Variants in POPDC3 observed in about 807,000 individuals in gnomAD.
POPDC3 encodes the protein popeye domain cAMP effector 3.
Under a neutral mutation model 28.2 loss-of-function variants are expected in POPDC3, and 20 were observed. The observed-to-expected ratio is 0.71, with a 90% CI of 0.50 to 1.03. POPDC3 has a LOEUF of 1.03. Ranked by LOEUF, POPDC3 falls within the 50% of genes least tolerant of loss-of-function variation. The probability of loss-of-function intolerance (pLI) is 0.00; values close to 1 mark genes in which losing one functional copy is unlikely to be tolerated. For synonymous variants in POPDC3, 118 were observed against 124.1 expected (o/e 0.95, Z 0.33); for missense variants, 316 against 345.9 (o/e 0.91, Z 0.69).
At chr6:105,171,116 G>C (rs1774568197) in intron 1 of POPDC3, among the ~76,000 whole-genome samples, 2 of 152,178 alleles carry the variant, frequency 1.3e-5, no homozygotes, top group Non-Finnish European at 2.9e-5. Context: ...TGTTTGAGAG[G>C]TATGTGTTTG....
chr6:105,166,973 G>C (rs1017291760), intron 1 of POPDC3, among the ~76,000 whole-genome samples: 9 of 151,528 alleles, frequency 5.9e-5, no homozygotes, highest in Non-Finnish European at 7.4e-5. Context: ...ATTTTCCTCT[G>C]TCTAGCACAA....
At chr6:105,160,864 G>A (rs1357198268) in intron 2 of POPDC3, among the ~76,000 whole-genome samples, 5 of 151,950 alleles carry the variant, frequency 3.3e-5, no homozygotes, top group Non-Finnish European at 7.4e-5. Flanking sequence ...GCCTCCAAAA[G>A]TGCTGGGATT....
chr6:105,169,202 T>C (rs566417176), intron 1 of POPDC3: 123 of 152,354 alleles, frequency 8.1e-4, no homozygotes, highest in African/African-American at 2.8e-3. Context: ...CTATATTTTA[T>C]AATAGAATTA....
chr6:105,158,719 A>G lies in POPDC3; in HGVS notation c.627T>C (p.Tyr209=). The G allele has an allele frequency of 1.2e-6, 2 of 1,613,492 alleles. No homozygotes were observed. The highest frequency in any genetic ancestry group is 1.3e-5 in the African/African-American group (1 of 75,036). The change falls in exon 4 of 4, where the codon TAT becomes TAC. Residue 209 remains tyrosine (Y), a synonymous_variant. Coordinates refer to ENST00000254765, the MANE Select transcript of POPDC3 (RefSeq NM_022361.5). ...ATAATTTCTTTCTCCTCCAAGACAC[A>G]TATCGACAATCAGTTTCTGCAGTGA... is the stretch of plus-strand genomic sequence containing the variant. ...VTLTAETDCR[Y]VSWRRKKLYL...
rs541277995 is a variant in POPDC3, at chr6:105,158,608, C to T, written c.738G>A (p.Leu246=). ...TTTTTCCTATATATACCCTGTCATTCAAGGCATAGAGTTTATCTGCAATGT... is the reference window on the plus strand; with the variant it reads ...TTTTTCCTATATATACCCTGTCATTTAAGGCATAGAGTTTATCTGCAATGT... ...GSDIADKLYA[L]NDRVYIGKRY... Residue 246 remains leucine, a synonymous_variant, in exon 4 of 4, where the codon TTG becomes TTA. Transcript: ENST00000254765. 1.2e-6 allele frequency: 2 copies of T among 1,614,072 alleles called. No homozygotes were observed. Among genetic ancestry groups the T allele is most frequent in the South Asian group, 2.2e-5 (2 of 91,078 alleles).
intron 2 of POPDC3, among the ~76,000 whole-genome samples, 181 bp downstream of exon 2, chr6:105,161,244 G>T (rs2114526249): frequency 6.6e-6 from 1 of 152,240 alleles, no homozygotes; most frequent in South Asian, 2.1e-4. Context: ...TCTGCTTCAA[G>T]TAAATAATGC....
chr6:105,175,599 T>C (rs1774669829), intron 1 of POPDC3, among the ~76,000 whole-genome samples: 1 of 151,876 alleles, frequency 6.6e-6, no homozygotes, highest in African/African-American at 2.4e-5. Flanking sequence ...TCCCAGCACT[T>C]TGGGAGGAGA....
intron 1 of POPDC3, among the ~76,000 whole-genome samples, chr6:105,172,341 C>T (rs555614453): frequency 6.6e-6 from 1 of 151,404 alleles, no homozygotes; most frequent in African/African-American, 2.4e-5. Flanking sequence ...GAGATACCAT[C>T]TCACACCAGT....
intron 1 of POPDC3, among the ~76,000 whole-genome samples, chr6:105,177,331 GT>G (rs992645952): frequency 2.7e-5 from 4 of 150,394 alleles, no homozygotes; most frequent in African/African-American, 7.3e-5. Flanking sequence ...AAAGTGTGGG[GT>G]TTTTTTTTCA....
chr6:105,171,028 G>A (rs1394164712), intron 1 of POPDC3, among the ~76,000 whole-genome samples: 1 of 152,152 alleles, frequency 6.6e-6, no homozygotes, highest in African/African-American at 2.4e-5. Flanking sequence ...TTTTTATATA[G>A]GAAAGTTCAC....
chr6:105,166,993 T>C (rs1176424658), intron 1 of POPDC3, among the ~76,000 whole-genome samples: 1 of 151,896 alleles, frequency 6.6e-6, no homozygotes, highest in African/African-American at 2.4e-5. Context: ...AAGTGGTCTT[T>C]AGTAAACATT....
rs114467498 is a variant in POPDC3, at chr6:105,166,663, C to A, written c.-251-4503G>T. 4.0e-3 allele frequency: 1,871 copies of A among 471,048 alleles called. 31 individuals are homozygous for A. Among genetic ancestry groups the A allele is most frequent in the African/African-American group, 0.033 (1,671 of 50,160 alleles). 29.2% of individuals were successfully genotyped at this position (471,048 alleles called of 1,614,324 possible). On this transcript the variant is annotated intron_variant, in intron 1 of 3. Coordinates refer to ENST00000254765, the MANE Select transcript of POPDC3 (RefSeq NM_022361.5). ...AGGGATGAAGCTTGTGGAAATTTTG[C>A]AGCAGCCTTCCCTGACCATGGTGGC...
chr6:105,158,487 G>A lies in POPDC3; in HGVS notation c.859C>T (p.Arg287Ter), dbSNP rs370790250. The A allele has an allele frequency of 2.7e-5, 43 of 1,611,082 alleles. No individual in the cohort carries two copies. The highest frequency in any genetic ancestry group is 2.2e-4 in the East Asian group (10 of 44,854). ...PLTQHFQNSR[R>*]YCDK is the part of the protein sequence containing the mutation. ...CTTTGATGTCATTTATCACAGTATC[G>A]TCTGGAATTCTGAAAATGTTGTGTC... Residue 287 changes from arginine (R) to a stop codon, truncating the protein, a stop_gained, in exon 4 of 4, where the codon CGA (arginine) becomes TGA (stop). Coordinates refer to ENST00000254765, the MANE Select transcript of POPDC3 (RefSeq NM_022361.5). LOFTEE classifies it high-confidence loss of function.
In POPDC3 at chr6:105,159,758, A is replaced by C; in HGVS notation, c.547T>G (p.Ser183Ala). ...GGTCTCAGTGAATCCCACTCAGGAGAATCCAGGAACTGAAGGGGGAAAATG... is the reference window on the plus strand; with the variant it reads ...GGTCTCAGTGAATCCCACTCAGGAGCATCCAGGAACTGAAGGGGGAAAATG... ...HYIFPLQFLD[S>A]PEWDSLRPTE... Residue 183 changes from serine to alanine, a missense_variant, in exon 3 of 4, where the codon TCT becomes GCT. By Grantham distance (99) the Ser-to-Ala change is moderately conservative (BLOSUM62 1). Transcript: ENST00000254765. 6.2e-7 allele frequency: 1 copy of C among 1,613,872 alleles called. No individual in the cohort carries two copies. Among genetic ancestry groups the C allele is most frequent in the South Asian group, 1.1e-5 (1 of 91,066 alleles).
At chr6:105,171,880 C>G (rs1318509566) in intron 1 of POPDC3, among the ~76,000 whole-genome samples, 1 of 150,950 alleles carries the variant, frequency 6.6e-6, no homozygotes, top group Non-Finnish European at 1.5e-5. Flanking sequence ...GATGGAGTCT[C>G]CTTGTGTTTC....
chr6:105,167,428 A>C (rs1190294), intron 1 of POPDC3, among the ~76,000 whole-genome samples: 109,444 of 152,086 alleles, frequency 0.72, 42,752 homozygotes, highest in East Asian at 0.87. Context: ...GAAAGTGTTC[A>C]CAATAGATTG....
At chr6:105,159,863 G>A (rs758167019) in intron 2 of POPDC3, 44 bp from the exon 3 acceptor site, 1 of 1,371,276 alleles carries the variant, frequency 7.3e-7, no homozygotes. Flanking sequence ...AGGAGAAAGA[G>A]AGCACATAAT....
intron 1 of POPDC3, among the ~76,000 whole-genome samples, chr6:105,176,565 T>C (rs1221637003): frequency 2.6e-4 from 5 of 19,358 alleles, no homozygotes; most frequent in African/African-American, 3.0e-4. Context: ...TGACATATCG[T>C]TTTTTTTTTA....
chr6:105,158,638 G>A lies in POPDC3; in HGVS notation c.708C>T (p.Gly236=), dbSNP rs143503012. 13 of 1,613,994 alleles carry A rather than the reference G, an allele frequency of 8.1e-6. No individual in the cohort carries two copies. The African/African-American group carries it at 1.5e-4, about 18-fold the overall frequency. The change falls in exon 4 of 4, where the codon GGC becomes GGT. Residue 236 remains glycine, a synonymous_variant. Transcript: ENST00000254765. ...YISRLFSVLI[G]SDIADKLYAL... ...CATAGAGTTTATCTGCAATGTCACTGCCAATTAGCACTGAAAAAAGGCGGG... is the reference window on the plus strand; with the variant it reads ...CATAGAGTTTATCTGCAATGTCACTACCAATTAGCACTGAAAAAAGGCGGG...
Sources: allele counts gnomAD v4.1 joint callset (sites outside exome capture counted in the v4.1 genomes callset), GRCh38; gene constraint gnomAD v4.1.1; transcripts MANE v1.5; gene names NCBI Gene and HGNC (gene_info 2026-07-23, HGNC 2026-07-21).